The following SLC2A1 variants were observed in gnomAD, a reference collection of about 807,000 sequenced individuals.
SLC2A1 encodes solute carrier family 2 member 1.
SLC2A1 carries 4 observed loss-of-function variants against 46.6 expected under a neutral mutation model. That is an observed-to-expected ratio of 0.09 (90% confidence interval 0.04 to 0.20). The LOEUF is 0.20. Among genes scored for constraint, SLC2A1 ranks in the 10% least tolerant of loss-of-function variants. The probability of loss-of-function intolerance (pLI) is 1.00; values close to 1 mark genes in which losing one functional copy is unlikely to be tolerated. For missense variants in SLC2A1, 352 were observed against 667.0 expected (o/e 0.53, Z 5.20); for synonymous variants, 253 against 270.0 (o/e 0.94, Z 0.62).
chr1:42,941,017 C>T (rs1643592244), intron 2 of SLC2A1, among the ~76,000 whole-genome samples: 1 of 152,220 alleles, frequency 6.6e-6, no homozygotes. Context: ...TTAAACCCTT[C>T]TCTGTTGCCC....
intron 2 of SLC2A1, among the ~76,000 whole-genome samples, chr1:42,940,821 T>C (rs1643590346): frequency 6.6e-6 from 1 of 152,038 alleles, no homozygotes; most frequent in Admixed American, 6.5e-5. Flanking sequence ...CAGTGACTAA[T>C]TCTCAACTTT....
intron 2 of SLC2A1, among the ~76,000 whole-genome samples, chr1:42,933,955 T>C (rs1328074522): frequency 6.6e-6 from 1 of 152,190 alleles, no homozygotes. Flanking sequence ...TTCTAAGGTA[T>C]TCCCCCAACC....
intron 2 of SLC2A1, among the ~76,000 whole-genome samples, chr1:42,942,411 C>G (rs1003570028): frequency 1.3e-5 from 2 of 151,986 alleles, no homozygotes; most frequent in East Asian, 1.9e-4. Context: ...CCTCCTACCC[C>G]CTACCCCCTT....
At chr1:42,931,975 TGACA>T (rs1643496014) in intron 2 of SLC2A1, among the ~76,000 whole-genome samples, 1 of 152,124 alleles carries the variant, frequency 6.6e-6, no homozygotes, top group Non-Finnish European at 1.5e-5. Flanking sequence ...AAGCAGGGCT[TGACA>T]GACAGGTTCC....
rs766237748 is a variant in SLC2A1, at chr1:42,930,525, C to G, written c.516+101G>C. 7.9e-6 allele frequency: 12 copies of G among 1,514,422 alleles called. No homozygotes were observed. In the East Asian group the frequency reaches 2.8e-4, roughly 36 times the overall value. 93.8% of individuals were successfully genotyped at this position (1,514,422 alleles called of 1,614,324 possible). On this transcript the variant is annotated intron_variant, in intron 4 of 9. Coordinates refer to ENST00000426263, the MANE Select transcript of SLC2A1 (RefSeq NM_006516.4). This position sits in a 1 kb window ranked among gnomAD's most constrained non-coding sequence, Gnocchi z 6.2. ...GTTGTCCTCTGCAAGGCTGTGGGGG[C>G]TGGGCGGAAGAGAAACTCTGCCCTG... is the stretch of plus-strand genomic sequence containing the variant.
Position 42,930,259 on chromosome 1 carries a change from C to G in SLC2A1, c.517-224G>C. On this transcript the variant is annotated intron_variant, in intron 4 of 9. Transcript: ENST00000426263. This position sits in a 1 kb window ranked among gnomAD's most constrained non-coding sequence, Gnocchi z 6.2. ...TTGCTGGGAGGACAAATGACAAGGC[C>G]ACAGATGTGTCCAGCACAGAGAATG... 1.6e-6 allele frequency: 1 copy of G among 638,118 alleles called. No homozygotes were observed. The highest frequency in any genetic ancestry group is 2.6e-5 in the Admixed American group (1 of 38,962). The allele number at this position is 638,118 out of a possible 1,614,324, so 39.5% of individuals were successfully genotyped here. A position where few individuals can be genotyped will look rare whatever the true frequency, so the allele number is the denominator to read the frequency against.
intron 2 of SLC2A1, among the ~76,000 whole-genome samples, chr1:42,935,854 G>A (rs181674660): frequency 1.2e-3 from 190 of 152,286 alleles, no homozygotes; most frequent in African/African-American, 4.4e-3. Flanking sequence ...CTCCAGAGCC[G>A]GACTGGGGTA....
At chr1:42,934,865 C>T (rs1418756718) in intron 2 of SLC2A1, among the ~76,000 whole-genome samples, 1 of 152,182 alleles carries the variant, frequency 6.6e-6, no homozygotes, top group East Asian at 1.9e-4. Flanking sequence ...GTCTGTCCTA[C>T]TTCTCTACCC....
chr1:42,949,629 C>T (rs911623153), intron 1 of SLC2A1, among the ~76,000 whole-genome samples: 2 of 152,186 alleles, frequency 1.3e-5, no homozygotes, highest in South Asian at 2.1e-4. Context: ...AGAAGGCACT[C>T]GCCAGTCTTC....
rs1322051836 is a variant in SLC2A1, at chr1:42,927,828, G to A, written c.1075-20C>T. ...CTGCTCCTGTTGAGGATGACGGAGA[G>A]GGGGAAAAGTTAGACTGGGTTGTGA... is the stretch of plus-strand genomic sequence containing the variant. On this transcript the variant is annotated intron_variant, in intron 8 of 9. Transcript: ENST00000426263. The surrounding 1 kb of genome is among the most constrained non-coding windows in gnomAD (Gnocchi z 5.3). 16 of 1,590,732 alleles carry A rather than the reference G, an allele frequency of 1.0e-5. No homozygotes were observed. Among genetic ancestry groups the A allele is most frequent in the Non-Finnish European group, 1.4e-5 (16 of 1,164,018 alleles).
At chr1:42,951,701 A>C (rs1163561707) in intron 1 of SLC2A1, 3 of 396,414 alleles carry the variant, frequency 7.6e-6, no homozygotes, top group African/African-American at 6.2e-5. Flanking sequence ...TTCCAGTCAC[A>C]TCTAAGAACT....
In SLC2A1 at chr1:42,929,806, G is replaced by T; in HGVS notation, c.680-26C>A. The T allele has an allele frequency of 6.2e-7, 1 of 1,614,210 alleles. No individual in the cohort carries two copies. The highest frequency in any genetic ancestry group is 8.5e-7 in the Non-Finnish European group (1 of 1,180,008). ...CTGGGGGGACCGGAGGGAAGGTGAG[G>T]GTGGCTCAGAGTGGGAAGAAGGCCA... On this transcript the variant is annotated intron_variant, in intron 5 of 9. Coordinates refer to ENST00000426263, the MANE Select transcript of SLC2A1 (RefSeq NM_006516.4). The surrounding 1 kb of genome is among the most constrained non-coding windows in gnomAD (Gnocchi z 6.0).
chr1:42,933,529 C>T (rs1191559610), intron 2 of SLC2A1, among the ~76,000 whole-genome samples: 1 of 152,172 alleles, frequency 6.6e-6, no homozygotes, highest in Non-Finnish European at 1.5e-5. Flanking sequence ...GTGTTAGGCT[C>T]TCCTCTTAGA....
chr1:42,945,761 C>A (rs1304934046), intron 1 of SLC2A1, among the ~76,000 whole-genome samples: 33 of 145,714 alleles, frequency 2.3e-4, no homozygotes, highest in South Asian at 8.7e-4. Context: ...AAACAAAAAA[C>A]AAAAAACAAG....
At chr1:42,943,074 T>G in intron 2 of SLC2A1, 152 bp downstream of exon 2, 1 of 690,714 alleles carries the variant, frequency 1.4e-6, no homozygotes, top group South Asian at 1.6e-5. Flanking sequence ...GTCTCTGACA[T>G]GATCAGGGCC....
chr1:42,944,971 C>T (rs917090189), intron 1 of SLC2A1, among the ~76,000 whole-genome samples: 3 of 151,938 alleles, frequency 2.0e-5, no homozygotes, highest in African/African-American at 7.3e-5. Flanking sequence ...AGCTGTTGTT[C>T]CGAGTGGGTA....
chr1:42,939,999 G>C (rs1643580388), intron 2 of SLC2A1, among the ~76,000 whole-genome samples: 1 of 149,304 alleles, frequency 6.7e-6, no homozygotes, highest in Non-Finnish European at 1.5e-5. Flanking sequence ...CCTGGCCAAA[G>C]GCAGCCCCTC....
intron 2 of SLC2A1, among the ~76,000 whole-genome samples, chr1:42,942,565 C>T (rs1643608246): frequency 6.6e-6 from 1 of 151,356 alleles, no homozygotes; most frequent in African/African-American, 2.4e-5. Flanking sequence ...GACCTTCACC[C>T]CCTGTGGCTC....
chr1:42,932,841 C>A (rs1233168659), intron 2 of SLC2A1, among the ~76,000 whole-genome samples: 1 of 152,230 alleles, frequency 6.6e-6, no homozygotes, highest in Non-Finnish European at 1.5e-5. Context: ...TGCCCTGTCA[C>A]AACCTGTCCC....
Sources: gnomAD v4.1 joint callset for allele counts (sites outside exome capture counted in the v4.1 genomes callset) on GRCh38, gnomAD v4.1.1 for gene constraint, Gnocchi (gnomAD v3.1) non-coding constraint, MANE v1.5 for transcripts, NCBI Gene and HGNC (gene_info 2026-07-23, HGNC 2026-07-21) for gene names.